Variants in FLT1 observed in about 807,000 individuals in gnomAD.
FLT1 encodes the protein fms related receptor tyrosine kinase 1, also known as vascular endothelial growth factor receptor 1.
A neutral mutation model predicts 156.3 loss-of-function variants in FLT1; 49 were observed. That is an observed-to-expected ratio of 0.31 (90% CI 0.25 to 0.40). The LOEUF (loss-of-function observed/expected upper bound fraction) is 0.40. Among genes scored for constraint, FLT1 ranks in the 10% least tolerant of loss-of-function variants. The probability of loss-of-function intolerance (pLI) is 1.00; values close to 1 mark genes in which losing one functional copy is unlikely to be tolerated. For missense variants in FLT1, 1,322 were observed against 1,637.2 expected, an observed-to-expected ratio of 0.81 and a Z score of 3.32; for synonymous variants, 594 against 583.8, an observed-to-expected ratio of 1.02 and a Z score of -0.25.
At chr13:28,477,277 C>G (rs938478437) in intron 1 of FLT1, among the ~76,000 whole-genome samples, 1 of 152,188 alleles carries the variant, frequency 6.6e-6, no homozygotes, top group Non-Finnish European at 1.5e-5. Flanking sequence ...TTCCAATGAC[C>G]TATAGCCATG....
intron 11 of FLT1, among the ~76,000 whole-genome samples, chr13:28,400,508 T>G (rs897370819): frequency 6.6e-6 from 1 of 152,184 alleles, no homozygotes; most frequent in Admixed American, 6.5e-5. Context: ...TATTTGACAA[T>G]TAAAATTTAA....
intron 13 of FLT1, chr13:28,386,552 C>A: frequency 1.9e-6 from 2 of 1,054,190 alleles, no homozygotes; most frequent in Non-Finnish European, 2.3e-6. Context: ...TCTTTTGCCT[C>A]TTTGAGCATG....
intron 16 of FLT1, among the ~76,000 whole-genome samples, chr13:28,340,082 G>T (rs1366612041): frequency 1.3e-5 from 2 of 152,124 alleles, no homozygotes; most frequent in African/African-American, 4.8e-5. Flanking sequence ...AGGTGTGGTG[G>T]TACACACCTG....
At chr13:28,306,614 T>A (rs1232199331) in intron 29 of FLT1, 64 bp downstream of exon 29, 3 of 1,120,476 alleles carry the variant, frequency 2.7e-6, no homozygotes, top group Non-Finnish European at 4.1e-6. Context: ...TATACCACCT[T>A]CCCCCAGCAT....
In FLT1 at chr13:28,389,988, G is replaced by C. The variant is rs377395740; in HGVS notation, c.1777C>G (p.Arg593Gly). The C allele has an allele frequency of 6.2e-7, 1 of 1,614,010 alleles. No homozygotes were observed. The highest frequency in any genetic ancestry group is 8.5e-7 in the Non-Finnish European group (1 of 1,179,916). The change falls in exon 13 of 30, where the codon CGG becomes GGG. Residue 593 changes from arginine to glycine, a missense_variant. Coordinates refer to ENST00000282397, the MANE Select transcript of FLT1 (RefSeq NM_002019.4). Reference sequence around the variant, plus strand: ...TGCATTGTTCTGTTATTAACTGTCCGCAGTAAAATCCAAGTAACGTCTCTG... The same window carrying C: ...TGCATTGTTCTGTTATTAACTGTCCCCAGTAAAATCCAAGTAACGTCTCTG... ...LYRDVTWILL[R>G]TVNNRTMHYS...
At chr13:28,451,759 G>GA (rs1409646390) in intron 3 of FLT1, among the ~76,000 whole-genome samples, 3 of 152,320 alleles carry the variant, frequency 2.0e-5, no homozygotes, top group Middle Eastern at 3.4e-3. Flanking sequence ...TCCTCATCTG[G>GA]AATGTGGGAC....
In FLT1 at chr13:28,370,018, A is replaced by G. The variant is rs201911840; in HGVS notation, c.2117-12333T>C. Among the ~76,000 whole-genome samples the G allele has an allele frequency of 1.4e-4, 21 of 152,158 alleles. No homozygotes were observed. In the East Asian group the frequency reaches 4.1e-3, roughly 29 times the overall value. The stretch of plus-strand genomic sequence containing the variant: ...AGTTCAGGACCAGCCTGGGCAACAC[A>G]GTGAGACTACTGTCTCTATAAAAAA... On this transcript the variant is annotated intron_variant, in intron 14 of 29. Coordinates refer to ENST00000282397, the MANE Select transcript of FLT1 (RefSeq NM_002019.4).
intron 4 of FLT1, among the ~76,000 whole-genome samples, chr13:28,435,874 T>C (rs1877995729): frequency 6.6e-6 from 1 of 151,744 alleles, no homozygotes; most frequent in Non-Finnish European, 1.5e-5. Context: ...ATGCAGTCGG[T>C]GGGAAAAAAA....
intron 3 of FLT1, among the ~76,000 whole-genome samples, chr13:28,441,879 A>G (rs1330380200): frequency 6.6e-6 from 1 of 152,178 alleles, no homozygotes. Flanking sequence ...TAGAATGATC[A>G]TGCATTATTT....
intron 16 of FLT1, among the ~76,000 whole-genome samples, chr13:28,344,687 C>T (rs1872492155): frequency 6.6e-6 from 1 of 151,504 alleles, no homozygotes; most frequent in Admixed American, 6.6e-5. Context: ...GGACCTCACA[C>T]TCTAAAGAAC....
At chr13:28,368,704 T>G in intron 14 of FLT1, 2 of 105,436 alleles carry the variant, frequency 1.9e-5, no homozygotes, top group African/African-American at 1.2e-4. Context: ...GATTGGCAGC[T>G]TTTTTTTTTT....
chr13:28,330,591 T>TATATATATATATATCATATATATATG (rs1491072636), intron 18 of FLT1, among the ~76,000 whole-genome samples: 72 of 10,280 alleles, frequency 7.0e-3, no homozygotes, highest in African/African-American at 8.9e-3. Flanking sequence ...AGAGGTCCTA[T>TATATATATATATATCATATATATATG]ATATATATAT....
intron 13 of FLT1, chr13:28,388,781 C>T (rs969017106): frequency 2.8e-6 from 3 of 1,058,996 alleles, no homozygotes; most frequent in Non-Finnish European, 2.3e-6. Flanking sequence ...GCCTTTATTT[C>T]CTTGATAAAT....
At position 28,339,902 on chromosome 13, in the gene FLT1, A is replaced by C. The variant is rs532405145; in HGVS notation, c.2356-602T>G. Among the ~76,000 whole-genome samples the C allele has an allele frequency of 1.3e-3, 196 of 152,288 alleles. 1 individual carries two copies. The highest frequency in any genetic ancestry group is 0.01 in the Middle Eastern group (3 of 294). ...GTAGCTGAATCCTGAGTGAGACTGG[A>C]ATAAGGTTTACCTTCTGTAAGAAAT... On this transcript the variant is annotated intron_variant, in intron 16 of 29. Transcript: ENST00000282397.
At chr13:28,362,361 T>C (rs1338011701) in intron 14 of FLT1, among the ~76,000 whole-genome samples, 2 of 152,210 alleles carry the variant, frequency 1.3e-5, no homozygotes, top group African/African-American at 4.8e-5. Flanking sequence ...TAAGATATAG[T>C]ACAAGTGGCA....
At chr13:28,329,577 CAG>C in intron 19 of FLT1, 36 bp downstream of exon 19, 1 of 1,396,474 alleles carries the variant, frequency 7.2e-7, no homozygotes, top group Non-Finnish European at 1.0e-6. Flanking sequence ...CCAGCCTGTG[CAG>C]GGGGAGACGG....
At chr13:28,396,524 C>T (rs1031343654) in intron 12 of FLT1, among the ~76,000 whole-genome samples, 8 of 152,144 alleles carry the variant, frequency 5.3e-5, no homozygotes, top group Admixed American at 2.6e-4. Context: ...GCCTCATTCC[C>T]CAAAAAGTCT....
At chr13:28,339,321 A>G in intron 16 of FLT1, 21 bp from the exon 17 acceptor site, 1 of 1,611,166 alleles carries the variant, frequency 6.2e-7, no homozygotes, top group Non-Finnish European at 8.5e-7. Context: ...AAGAGATCTC[A>G]AAGTCATCGA....
chr13:28,390,799 C>T (rs1464449686), intron 12 of FLT1, among the ~76,000 whole-genome samples: 1 of 152,204 alleles, frequency 6.6e-6, no homozygotes, highest in Non-Finnish European at 1.5e-5. Flanking sequence ...ATCCTAAAAA[C>T]CAAAGGCACA....
Sources: allele counts gnomAD v4.1 joint callset (sites outside exome capture counted in the v4.1 genomes callset), GRCh38; gene constraint gnomAD v4.1.1; transcripts MANE v1.5; gene names NCBI Gene and HGNC (gene_info 2026-07-23, HGNC 2026-07-21).